Variants in FHIT observed in about 807,000 individuals in gnomAD.
FHIT encodes the protein fragile histidine triad diadenosine triphosphatase.
Under a neutral mutation model 17.9 loss-of-function variants are expected in FHIT, and 19 were observed. That is an observed-to-expected ratio of 1.06 (90% CI 0.74 to 1.56). The LOEUF (loss-of-function observed/expected upper bound fraction) is 1.56. Among genes scored for constraint, FHIT ranks in the 40% most tolerant of loss-of-function variants. The probability of loss-of-function intolerance (pLI) is 0.00; values close to 1 mark genes in which losing one functional copy is unlikely to be tolerated. For missense variants in FHIT, 248 were observed against 189.2 expected (o/e 1.31, Z -1.82); for synonymous variants, 81 against 69.7 (o/e 1.16, Z -0.81).
chr3:60,614,806 GTTGTTTTTTTT>G lies in FHIT; in HGVS notation c.-17-77838_-17-77828del, dbSNP rs1197420518. Among the ~76,000 whole-genome samples, 118 of 65,670 alleles carry G rather than the reference GTTGTTTTTTTT, an allele frequency of 1.8e-3. 3 individuals carry two copies. In the East Asian group the frequency reaches 0.023, roughly 13 times the overall value. 43.1% of individuals were successfully genotyped at this position (65,670 alleles called of 152,430 possible). A position where few individuals can be genotyped will look rare whatever the true frequency, so the allele number is the denominator to read the frequency against. ...CATCGATTTGTAAAAAATTGCAAAA[GTTGTTTTTTTT>G]TTGTTTTTTTTTTGTTTTTTTTTTG... On this transcript the variant is annotated intron_variant, in intron 4 of 9. Coordinates refer to ENST00000492590, the MANE Select transcript of FHIT (RefSeq NM_002012.4).
At chr3:59,924,382 G>A (rs746883890) in intron 7 of FHIT, among the ~76,000 whole-genome samples, 2 of 151,922 alleles carry the variant, frequency 1.3e-5, no homozygotes, top group African/African-American at 2.4e-5. Context: ...TTCCAGACCA[G>A]TGTCTTCCAG....
At chr3:60,582,086 G>A (rs1370159181) in intron 4 of FHIT, among the ~76,000 whole-genome samples, 1 of 152,010 alleles carries the variant, frequency 6.6e-6, no homozygotes, top group Non-Finnish European at 1.5e-5. Context: ...TTGGCTGGAG[G>A]CTGCACTTTG....
At chr3:60,053,558 G>A (rs1701967624) in intron 5 of FHIT, among the ~76,000 whole-genome samples, 1 of 151,822 alleles carries the variant, frequency 6.6e-6, no homozygotes, top group South Asian at 2.1e-4. Context: ...CACACAAGTT[G>A]GAAAGGAAAG....
chr3:61,133,974 G>A (rs1352336384), intron 2 of FHIT, among the ~76,000 whole-genome samples: 1 of 152,118 alleles, frequency 6.6e-6, no homozygotes, highest in Non-Finnish European at 1.5e-5. Context: ...TGTAATCCCA[G>A]CTACTCAGGA....
intron 5 of FHIT, among the ~76,000 whole-genome samples, chr3:60,519,893 T>A (rs964060394): frequency 2.6e-5 from 4 of 152,070 alleles, no homozygotes; most frequent in African/African-American, 7.2e-5. Flanking sequence ...GTGAAACAAT[T>A]TACTGGAGTG....
At chr3:60,803,182 C>T (rs1201773670) in intron 4 of FHIT, among the ~76,000 whole-genome samples, 1 of 152,056 alleles carries the variant, frequency 6.6e-6, no homozygotes, top group Non-Finnish European at 1.5e-5. Context: ...CAACTGAAAT[C>T]GGTGGGGTTG....
At chr3:60,326,186 C>T (rs1709684440) in intron 5 of FHIT, among the ~76,000 whole-genome samples, 1 of 151,990 alleles carries the variant, frequency 6.6e-6, no homozygotes, top group South Asian at 2.1e-4. Context: ...CAGGATGATT[C>T]AAGTGCATTA....
At chr3:61,005,819 T>A (rs2031409045) in intron 3 of FHIT, among the ~76,000 whole-genome samples, 1 of 152,136 alleles carries the variant, frequency 6.6e-6, no homozygotes, top group Non-Finnish European at 1.5e-5. Context: ...TAGGTCAAGA[T>A]AGCCACTTAC....
intron 5 of FHIT, among the ~76,000 whole-genome samples, chr3:60,087,120 A>G (rs935690070): frequency 6.6e-6 from 1 of 152,214 alleles, no homozygotes; most frequent in Non-Finnish European, 1.5e-5. Context: ...CCCTCCAGAG[A>G]AGGAGCCTGA....
At chr3:60,018,974 C>G (rs971543679) in intron 5 of FHIT, among the ~76,000 whole-genome samples, 37 of 151,678 alleles carry the variant, frequency 2.4e-4, no homozygotes, top group Non-Finnish European at 2.1e-4. Flanking sequence ...GAGCAAAACT[C>G]TGTCTCAAAA....
chr3:60,199,831 G>A (rs571685445), intron 5 of FHIT, among the ~76,000 whole-genome samples: 16 of 152,202 alleles, frequency 1.1e-4, no homozygotes, highest in Non-Finnish European at 2.1e-4. Flanking sequence ...GTGTTAAGGA[G>A]AGAGTAGAGA....
At chr3:59,831,769 C>T (rs903637329) in intron 8 of FHIT, among the ~76,000 whole-genome samples, 7 of 151,888 alleles carry the variant, frequency 4.6e-5, no homozygotes, top group Non-Finnish European at 1.0e-4. Flanking sequence ...TGTAACCAGA[C>T]CAGTTAAGGT....
At chr3:60,026,142 G>C (rs1258487920) in intron 5 of FHIT, among the ~76,000 whole-genome samples, 1 of 152,024 alleles carries the variant, frequency 6.6e-6, no homozygotes, top group Non-Finnish European at 1.5e-5. Flanking sequence ...CAAATCCAGG[G>C]TTTCAAACAA....
chr3:60,731,308 CAGA>C (rs2042024794), intron 4 of FHIT, among the ~76,000 whole-genome samples: 1 of 152,054 alleles, frequency 6.6e-6, no homozygotes, highest in African/African-American at 2.4e-5. Context: ...GGGCATAAGG[CAGA>C]AGGAGACACC....
rs148333672 is a variant in FHIT at position 60,242,314 on chromosome 3, G to A, written c.104-228162C>T. Among the ~76,000 whole-genome samples the A allele has an allele frequency of 2.5e-4, 38 of 152,104 alleles. 1 individual carries two copies. The East Asian group carries it at 7.0e-3, about 28-fold the overall frequency. On this transcript the variant is annotated intron_variant, in intron 5 of 9. Transcript: ENST00000492590. ...TGTTTAAAATCCTATAATATTTCAT[G>A]TTGGCTTCAAACTCTATATATTTCA...
chr3:60,569,892 G>A (rs923942543), intron 4 of FHIT, among the ~76,000 whole-genome samples: 15 of 150,868 alleles, frequency 9.9e-5, no homozygotes, highest in African/African-American at 3.7e-4. Context: ...TTATTGAGAT[G>A]TAATTCACAT....
At chr3:60,642,279 T>A (rs927439334) in intron 4 of FHIT, among the ~76,000 whole-genome samples, 2 of 152,128 alleles carry the variant, frequency 1.3e-5, no homozygotes, top group Non-Finnish European at 2.9e-5. Flanking sequence ...TACCAGCACA[T>A]GCCCCCAAAG....
chr3:60,714,648 A>T (rs1158518843), intron 4 of FHIT, among the ~76,000 whole-genome samples: 1 of 152,324 alleles, frequency 6.6e-6, no homozygotes, highest in African/African-American at 2.4e-5. Context: ...TGACAGACAA[A>T]CAGAGAGCCA....
intron 3 of FHIT, among the ~76,000 whole-genome samples, chr3:60,929,467 C>T (rs1201982193): frequency 2.6e-5 from 4 of 152,254 alleles, no homozygotes; most frequent in Admixed American, 1.3e-4. Flanking sequence ...AAAACCCCAT[C>T]ATCTCAGCCC....
Sources: gnomAD v4.1 joint callset for allele counts (sites outside exome capture counted in the v4.1 genomes callset) on GRCh38, gnomAD v4.1.1 for gene constraint, MANE v1.5 for transcripts, NCBI Gene and HGNC (gene_info 2026-07-23, HGNC 2026-07-21) for gene names.